The following OR1F1 variants were observed in gnomAD, a reference collection of about 807,000 sequenced individuals.
OR1F1 encodes the protein olfactory receptor 1F1.
For synonymous variants in OR1F1, 184 were observed against 156.7 expected (o/e 1.17, Z -1.30); for missense variants, 493 against 376.3 (o/e 1.31, Z -2.57).
the OR1F1 span, among the ~76,000 whole-genome samples, chr16:3,193,907 A>G: frequency 6.6e-6 from 1 of 152,196 alleles, no homozygotes; most frequent in East Asian, 1.9e-4. Context: ...TCAGTAGGGC[A>G]CGTGGTAACT....
chr16:3,193,578 G>GC, the OR1F1 span, among the ~76,000 whole-genome samples: 1 of 152,178 alleles, frequency 6.6e-6, no homozygotes, highest in Non-Finnish European at 1.5e-5. Flanking sequence ...AATGGAGGCT[G>GC]CTGCGTTGCA....
chr16:3,194,525 G>T, the OR1F1 span, among the ~76,000 whole-genome samples: 1 of 152,068 alleles, frequency 6.6e-6, no homozygotes, highest in East Asian at 1.9e-4. Flanking sequence ...GGTTGACTTG[G>T]ATATCCCCCA....
the OR1F1 span, among the ~76,000 whole-genome samples, chr16:3,195,603 G>A: frequency 1.3e-5 from 2 of 150,042 alleles, no homozygotes; most frequent in Non-Finnish European, 3.0e-5. Flanking sequence ...AATCGCTGGA[G>A]CCCGGGAGTT....
chr16:3,203,220 C>T (rs1019300257), upstream of OR1F1, among the ~76,000 whole-genome samples: 1 of 152,226 alleles, frequency 6.6e-6, no homozygotes, highest in African/African-American at 2.4e-5. Context: ...CTCAATGAGG[C>T]TCTCAGGGAA....
chr16:3,194,486 A>T, the OR1F1 span, among the ~76,000 whole-genome samples: 1 of 152,158 alleles, frequency 6.6e-6, no homozygotes, highest in South Asian at 2.1e-4. Flanking sequence ...ATGTTGCTCA[A>T]CCTCAGAAAA....
chr16:3,189,630 G>C, the OR1F1 span: 1 of 152,030 alleles, frequency 6.6e-6, no homozygotes, highest in Non-Finnish European at 1.5e-5. Flanking sequence ...TGCGTAAATC[G>C]TGTGGCTCGT....
chr16:3,202,581 T>C (rs2141590782), upstream of OR1F1, among the ~76,000 whole-genome samples: 1 of 151,792 alleles, frequency 6.6e-6, no homozygotes. Context: ...GAATTCTCGC[T>C]CTGTTGCCCA....
upstream of OR1F1, among the ~76,000 whole-genome samples, chr16:3,203,400 G>T (rs1958159987): frequency 1.3e-5 from 2 of 152,176 alleles, no homozygotes; most frequent in African/African-American, 4.8e-5. Flanking sequence ...ATAACCTCTG[G>T]CCAGGTCTGA....
chr16:3,192,064 T>C, the OR1F1 span, among the ~76,000 whole-genome samples: 1 of 152,100 alleles, frequency 6.6e-6, no homozygotes, highest in Non-Finnish European at 1.5e-5. Context: ...CGAGCCCCTC[T>C]TCTTATTTTT....
the OR1F1 span, among the ~76,000 whole-genome samples, chr16:3,196,699 C>CTT: frequency 7.7e-4 from 95 of 123,932 alleles, 1 homozygote; most frequent in African/African-American, 2.4e-3. Flanking sequence ...TGAAATTAAT[C>CTT]TTTTTTTTTT....
At chr16:3,189,563 G>A in the OR1F1 span, among the ~76,000 whole-genome samples, 2 of 152,304 alleles carry the variant, frequency 1.3e-5, no homozygotes, top group African/African-American at 4.8e-5. Flanking sequence ...ACTGGGTCCT[G>A]CTGGGTCCGC....
chr16:3,205,249 C>T (rs76129664), downstream of OR1F1: 280 of 1,160,678 alleles, frequency 2.4e-4, no homozygotes, highest in East Asian at 5.8e-3. Context: ...GAGTTTAATG[C>T]AGTAGTTGTT....
the OR1F1 span, among the ~76,000 whole-genome samples, chr16:3,197,095 C>T: frequency 2.0e-5 from 3 of 151,730 alleles, no homozygotes; most frequent in Non-Finnish European, 2.9e-5. Flanking sequence ...AGGCTAGTCT[C>T]GAACTCCTGA....
At chr16:3,195,585 G>T in the OR1F1 span, among the ~76,000 whole-genome samples, 9 of 151,654 alleles carry the variant, frequency 5.9e-5, no homozygotes, top group Admixed American at 5.3e-4. Context: ...GGGAGGCTGA[G>T]GCAAGAGAAT....
At chr16:3,190,719 C>T in the OR1F1 span, among the ~76,000 whole-genome samples, 4 of 143,462 alleles carry the variant, frequency 2.8e-5, no homozygotes, top group Non-Finnish European at 6.0e-5. Context: ...CCAGTGCACT[C>T]CAGCCTGGGT....
the OR1F1 span, among the ~76,000 whole-genome samples, chr16:3,191,929 G>A: frequency 1.3e-5 from 2 of 152,136 alleles, no homozygotes; most frequent in African/African-American, 4.8e-5. Context: ...GCAGGCTTGA[G>A]CTTTATCGCT....
upstream of OR1F1, among the ~76,000 whole-genome samples, chr16:3,199,688 T>C (rs1470561198): frequency 6.6e-6 from 1 of 152,118 alleles, no homozygotes; most frequent in Non-Finnish European, 1.5e-5. Context: ...AAATGCAGCA[T>C]AGAGTAACTT....
chr16:3,204,261 C>A lies in OR1F1; in HGVS notation c.15C>A (p.Asn5Lys), dbSNP rs755868658. The A allele has an allele frequency of 4.4e-6, 7 of 1,607,458 alleles. No individual in the cohort carries two copies. In the Admixed American group the frequency reaches 8.4e-5, roughly 19 times the overall value. The change falls in exon 1 of 1, where the codon AAC becomes AAA. Residue 5 changes from asparagine to lysine, a missense_variant. Coordinates refer to ENST00000304646, the Ensembl canonical transcript of OR1F1. The stretch of plus-strand genomic sequence containing the variant: ...ATCCCAGGCCCATGAGCGGGACAAA[C>A]CAGTCGAGTGTCTCCGAGTTCCTCC...
At chr16:3,205,721 A>T (rs1958200127), downstream of OR1F1, among the ~76,000 whole-genome samples, 1 of 152,168 alleles carries the variant, frequency 6.6e-6, no homozygotes, top group Non-Finnish European at 1.5e-5. Context: ...ACGGACATTT[A>T]TCAGTTCCCG....
Sources: gnomAD v4.1 joint callset for allele counts (sites outside exome capture counted in the v4.1 genomes callset) on GRCh38, gnomAD v4.1.1 for gene constraint, MANE v1.5 for transcripts, NCBI Gene and HGNC (gene_info 2026-07-23, HGNC 2026-07-21) for gene names.